The following VPS33A variants were observed in gnomAD, a reference collection of about 807,000 sequenced individuals.
VPS33A encodes the protein vacuolar protein sorting-associated protein 33A.
A neutral mutation model predicts 71.8 loss-of-function variants in VPS33A; 32 were observed. The ratio of observed to expected loss-of-function variants is 0.45; its 90% CI spans 0.34 to 0.60. VPS33A has a LOEUF of 0.60. VPS33A is among the 20% of genes least tolerant of loss of function. VPS33A has a pLI of 0.02. For synonymous variants in VPS33A, 311 were observed against 292.7 expected (o/e 1.06, Z -0.64); for missense variants, 625 against 748.5 (o/e 0.84, Z 1.92).
intron 9 of VPS33A, 42 bp from the exon 10 acceptor site, chr12:122,238,766 TACATACACACACACAC>T (rs1207372032): frequency 5.2e-6 from 7 of 1,353,988 alleles, no homozygotes; most frequent in Non-Finnish European, 7.1e-6. Context: ...CATTTACATA[TACATACACACACACAC>T]ACACACACAC....
chr12:122,238,770 TACACACACACACACACACAC>T (rs57522920), intron 9 of VPS33A, 46 bp from the exon 10 acceptor site: 7 of 873,000 alleles, frequency 8.0e-6, no homozygotes, highest in African/African-American at 5.8e-5. Context: ...TACATATACA[TACACACACACACACACACAC>T]ACACACACAC....
chr12:122,248,088 T>C (rs1474768743), intron 6 of VPS33A: 1 of 96,660 alleles, frequency 1.0e-5, no homozygotes, highest in Non-Finnish European at 1.9e-5. Context: ...GTGTGTGTAT[T>C]TTTAGTAGTG....
intron 10 of VPS33A, among the ~76,000 whole-genome samples, chr12:122,238,164 T>A (rs1209798986): frequency 4.6e-5 from 7 of 152,186 alleles, no homozygotes; most frequent in Non-Finnish European, 1.0e-4. Flanking sequence ...TATACAACAG[T>A]CGTTACAAGA....
rs1028064952 is a variant in VPS33A at position 122,232,097 on chromosome 12, G to C, written c.*149C>G. ...AGGGAATACAAAAGAGACGGAGAAA[G>C]CAGTAAACAGTAGTATAATTTAAGA... On this transcript the variant is annotated 3_prime_UTR_variant, in exon 13 of 13. Transcript: ENST00000267199. The C allele has an allele frequency of 5.7e-6, 4 of 698,052 alleles. No individual in the cohort carries two copies. The African/African-American group carries it at 7.4e-5, about 13-fold the overall frequency. The allele number at this position is 698,052 out of a possible 1,614,324, so 43.2% of individuals were successfully genotyped here.
Position 122,249,636 on chromosome 12 carries a change from A to G in VPS33A, c.775+235T>C, listed in dbSNP as rs976855679. ...AACCTCACTGATCCTCTTTTTTGGA[A>G]TGATTCCTCAAGGCACATTCTTAGG... On this transcript the variant is annotated intron_variant, in intron 6 of 12. Coordinates refer to ENST00000267199, the MANE Select transcript of VPS33A (RefSeq NM_022916.6). 8 of 344,994 alleles carry G rather than the reference A, an allele frequency of 2.3e-5. No individual in the cohort carries two copies. In the East Asian group the frequency reaches 3.2e-4, roughly 14 times the overall value. The allele number at this position is 344,994 out of a possible 1,614,324, so 21.4% of individuals were successfully genotyped here.
intron 4 of VPS33A, among the ~76,000 whole-genome samples, chr12:122,255,079 T>C (rs1954899168): frequency 6.6e-6 from 1 of 151,366 alleles, no homozygotes; most frequent in Non-Finnish European, 1.5e-5. Flanking sequence ...AAGAAAATAG[T>C]TCTGCCCTTT....
intron 3 of VPS33A, 37 bp from the exon 4 acceptor site, chr12:122,261,484 C>T (rs376856412): frequency 1.2e-6 from 2 of 1,603,476 alleles, no homozygotes; most frequent in Non-Finnish European, 1.7e-6. Flanking sequence ...TTATGAGCTC[C>T]TAAGAGTCAT....
intron 11 of VPS33A, among the ~76,000 whole-genome samples, chr12:122,233,394 T>C (rs1954590269): frequency 6.6e-6 from 1 of 152,004 alleles, no homozygotes; most frequent in Non-Finnish European, 1.5e-5. Flanking sequence ...CCTGGCTCAT[T>C]GTTGTATTTT....
intron 9 of VPS33A, among the ~76,000 whole-genome samples, chr12:122,238,995 A>G (rs1954670926): frequency 8.1e-6 from 1 of 123,774 alleles, no homozygotes; most frequent in South Asian, 2.6e-4. Context: ...ACATACATAC[A>G]TACACACACA....
chr12:122,265,405 CTTAT>C (rs1445460120), intron 1 of VPS33A, among the ~76,000 whole-genome samples: 1 of 151,980 alleles, frequency 6.6e-6, no homozygotes, highest in African/African-American at 2.4e-5. Flanking sequence ...ATTTCTTTTT[CTTAT>C]TTATTTAAAT....
intron 4 of VPS33A, chr12:122,253,487 A>C (rs1180936547): frequency 6.9e-6 from 1 of 144,248 alleles, no homozygotes; most frequent in African/African-American, 2.6e-5. Flanking sequence ...CAGGAGGTGG[A>C]GGTTGCAGTG....
intron 6 of VPS33A, among the ~76,000 whole-genome samples, chr12:122,245,520 T>C (rs919392781): frequency 4.0e-5 from 6 of 151,256 alleles, no homozygotes; most frequent in Middle Eastern, 3.4e-3. Flanking sequence ...CTCGGCTCAC[T>C]GCAACCTCCA....
Position 122,261,150 on chromosome 12 carries a change from A to C in VPS33A, c.483+111T>G, listed in dbSNP as rs556732922. ...TGTTGAACAGAAAATCTTAAACATC[A>C]ATAAACATATAAAATGGGACTCAGC... On this transcript the variant is annotated intron_variant, in intron 4 of 12. Coordinates refer to ENST00000267199, the MANE Select transcript of VPS33A (RefSeq NM_022916.6). The C allele has an allele frequency of 3.3e-6, 3 of 921,026 alleles. No homozygotes were observed. In the Admixed American group the frequency reaches 9.5e-5, roughly 29 times the overall value. The allele number at this position is 921,026 out of a possible 1,614,324, so 57.1% of individuals were successfully genotyped here.
chr12:122,263,085 C>T lies in VPS33A; in HGVS notation c.296+487G>A, dbSNP rs566477830. On this transcript the variant is annotated intron_variant, in intron 3 of 12. Coordinates refer to ENST00000267199, the MANE Select transcript of VPS33A (RefSeq NM_022916.6). ...TCAGCTCACTGCAACCTCTGCCTCCCGGGTTCAACAGACTATCATGCCTCA... is the reference window on the plus strand; with the variant it reads ...TCAGCTCACTGCAACCTCTGCCTCCTGGGTTCAACAGACTATCATGCCTCA... Among the ~76,000 whole-genome samples, 9 of 151,614 alleles carry T rather than the reference C, an allele frequency of 5.9e-5. No homozygotes were observed. In the East Asian group the frequency reaches 9.7e-4, roughly 16 times the overall value.
intron 3 of VPS33A, among the ~76,000 whole-genome samples, chr12:122,262,610 T>C (rs1955011413): frequency 6.6e-6 from 1 of 151,844 alleles, no homozygotes; most frequent in Non-Finnish European, 1.5e-5. Flanking sequence ...CAGCTTTTTT[T>C]TTTTTTTTGC....
chr12:122,250,013 T>C lies in VPS33A; in HGVS notation c.633A>G (p.Arg211=). ...TTGAATTCTGGCTTCCTGTAAACTC[T>C]CTCTTCATCCTGATCATCATATTGG... ...QVANMMIRMK[R]EFTGSQNSIF... is the part of the protein sequence containing the mutation. Residue 211 remains arginine (R), a synonymous_variant, in exon 6 of 13, where the codon AGA becomes AGG. Coordinates refer to ENST00000267199, the MANE Select transcript of VPS33A (RefSeq NM_022916.6). 1 of 1,613,508 alleles carries C rather than the reference T, an allele frequency of 6.2e-7. No individual in the cohort carries two copies. The highest frequency in any genetic ancestry group is 8.5e-7 in the Non-Finnish European group (1 of 1,179,790).
chr12:122,234,543 T>A (rs1954604755), intron 11 of VPS33A, among the ~76,000 whole-genome samples: 1 of 152,080 alleles, frequency 6.6e-6, no homozygotes, highest in South Asian at 2.1e-4. Context: ...CCTCCTGCCT[T>A]GGCCTCCCAA....
intron 10 of VPS33A, among the ~76,000 whole-genome samples, chr12:122,237,607 A>C (rs1429880882): frequency 7.1e-6 from 1 of 140,832 alleles, no homozygotes; most frequent in Non-Finnish European, 1.5e-5. Flanking sequence ...GCAGTGGCGC[A>C]ATCTCGGCTC....
At position 122,238,567 on chromosome 12, in the gene VPS33A, T is replaced by C. The variant is rs781401633; in HGVS notation, c.1302+20A>G. ...GATGCTGTCCCCCTTGGCAAATTAATAATTTAAAAATATACTCACCTGGAG... is the reference window on the plus strand; with the variant it reads ...GATGCTGTCCCCCTTGGCAAATTAACAATTTAAAAATATACTCACCTGGAG... On this transcript the variant is annotated intron_variant, in intron 10 of 12. Coordinates refer to ENST00000267199, the MANE Select transcript of VPS33A (RefSeq NM_022916.6). 6.9e-6 allele frequency: 11 copies of C among 1,591,926 alleles called. No homozygotes were observed. The highest frequency in any genetic ancestry group is 8.5e-6 in the Non-Finnish European group (10 of 1,171,340).
Sources: allele counts gnomAD v4.1 joint callset (sites outside exome capture counted in the v4.1 genomes callset), GRCh38; gene constraint gnomAD v4.1.1; transcripts MANE v1.5; gene names NCBI Gene and HGNC (gene_info 2026-07-23, HGNC 2026-07-21).